Variants in GPC6 observed in about 807,000 individuals in gnomAD.
GPC6 encodes the protein glypican 6.
Under a neutral mutation model 55.2 loss-of-function variants are expected in GPC6, and 14 were observed. The ratio of observed to expected loss-of-function variants is 0.25; its 90% confidence interval spans 0.17 to 0.40. The LOEUF (loss-of-function observed/expected upper bound fraction) is 0.40. Ranked by LOEUF, GPC6 falls within the 10% of genes least tolerant of loss-of-function variation. The pLI is 1.00. For synonymous variants in GPC6, 278 were observed against 259.6 expected, an observed-to-expected ratio of 1.07 and a Z score of -0.68; for missense variants, 641 against 708.5, an observed-to-expected ratio of 0.90 and a Z score of 1.08.
intron 4 of GPC6, among the ~76,000 whole-genome samples, chr13:94,253,354 T>C (rs1056962984): frequency 3.9e-5 from 6 of 152,158 alleles, no homozygotes; most frequent in African/African-American, 1.4e-4. Flanking sequence ...GTTGATTCTC[T>C]ATAACCTAGA....
At chr13:93,228,117 C>T (rs1198280325) in intron 1 of GPC6, among the ~76,000 whole-genome samples, 1 of 152,164 alleles carries the variant, frequency 6.6e-6, no homozygotes, top group East Asian at 1.9e-4. Flanking sequence ...CAGCCCCTCT[C>T]TCCCCTATCC....
At chr13:94,206,577 G>A (rs1238340045) in intron 4 of GPC6, among the ~76,000 whole-genome samples, 1 of 152,130 alleles carries the variant, frequency 6.6e-6, no homozygotes, top group Non-Finnish European at 1.5e-5. Context: ...ATAAGAGCCA[G>A]GCACGGCAGC....
At chr13:93,237,060 T>C (rs1216069037) in intron 1 of GPC6, among the ~76,000 whole-genome samples, 2 of 152,216 alleles carry the variant, frequency 1.3e-5, no homozygotes, top group African/African-American at 2.4e-5. Context: ...ATAAAATGAC[T>C]TCTCTTCCTT....
chr13:93,751,676 C>T (rs1420111602), intron 2 of GPC6, among the ~76,000 whole-genome samples: 1 of 151,930 alleles, frequency 6.6e-6, no homozygotes, highest in African/African-American at 2.4e-5. Context: ...TGTGCACCAC[C>T]ATGCCTGGCT....
At chr13:93,603,635 T>G (rs1000939984) in intron 2 of GPC6, among the ~76,000 whole-genome samples, 8 of 152,174 alleles carry the variant, frequency 5.3e-5, no homozygotes, top group Non-Finnish European at 1.0e-4. Flanking sequence ...ATCTCTCAAT[T>G]GGATAAAACT....
At chr13:94,243,436 A>T (rs1235151315) in intron 4 of GPC6, among the ~76,000 whole-genome samples, 1 of 152,088 alleles carries the variant, frequency 6.6e-6, no homozygotes, top group Non-Finnish European at 1.5e-5. Flanking sequence ...ATTCATAAAG[A>T]TAGAAACAGG....
At chr13:93,643,917 T>G (rs947991936) in intron 2 of GPC6, among the ~76,000 whole-genome samples, 1 of 152,092 alleles carries the variant, frequency 6.6e-6, no homozygotes, top group African/African-American at 2.4e-5. Context: ...AAGTTGAGTA[T>G]TATTCAATAC....
intron 1 of GPC6, among the ~76,000 whole-genome samples, chr13:93,482,185 T>C (rs549216310): frequency 6.6e-6 from 1 of 152,280 alleles, no homozygotes; most frequent in South Asian, 2.1e-4. Flanking sequence ...TTCCTCTTTG[T>C]TAGTGTGTAG....
At chr13:93,231,579 A>G (rs867308689) in intron 1 of GPC6, among the ~76,000 whole-genome samples, 33 of 151,580 alleles carry the variant, frequency 2.2e-4, no homozygotes, top group African/African-American at 7.0e-4. Flanking sequence ...GGAATTGGCC[A>G]TGCTACCACC....
chr13:93,728,066 T>G (rs1386926458), intron 2 of GPC6, among the ~76,000 whole-genome samples: 4 of 152,142 alleles, frequency 2.6e-5, no homozygotes, highest in Admixed American at 2.6e-4. Flanking sequence ...GGGTTTTAGC[T>G]TCAATCTACC....
At chr13:93,331,646 C>G (rs1333033014) in intron 1 of GPC6, among the ~76,000 whole-genome samples, 1 of 150,560 alleles carries the variant, frequency 6.6e-6, no homozygotes, top group African/African-American at 2.4e-5. Flanking sequence ...TTTTTTCTGT[C>G]ATTTGTTGTT....
At chr13:94,220,315 G>A (rs1023947624) in intron 4 of GPC6, among the ~76,000 whole-genome samples, 2 of 152,072 alleles carry the variant, frequency 1.3e-5, no homozygotes, top group African/African-American at 2.4e-5. Flanking sequence ...TTCATCATAG[G>A]AGTCCAGCTT....
intron 4 of GPC6, among the ~76,000 whole-genome samples, chr13:94,090,714 T>G (rs1885449468): frequency 6.6e-6 from 1 of 152,144 alleles, no homozygotes; most frequent in Non-Finnish European, 1.5e-5. Context: ...ATGGATATTA[T>G]TATGATGATC....
chr13:93,918,094 CAA>C (rs5805834), intron 3 of GPC6, among the ~76,000 whole-genome samples: 136 of 138,768 alleles, frequency 9.8e-4, no homozygotes, highest in Admixed American at 1.7e-3. Context: ...GAGACTCCGT[CAA>C]AAAAAAAAAA....
chr13:93,668,262 T>C (rs566313643), intron 2 of GPC6, among the ~76,000 whole-genome samples: 71 of 152,350 alleles, frequency 4.7e-4, no homozygotes, highest in Admixed American at 1.6e-3. Context: ...AAATGGAATA[T>C]TCTTTCCCTT....
At chr13:93,428,824 T>C (rs1278983440) in intron 1 of GPC6, among the ~76,000 whole-genome samples, 1 of 152,160 alleles carries the variant, frequency 6.6e-6, no homozygotes, top group Non-Finnish European at 1.5e-5. Flanking sequence ...GAAATATTGG[T>C]TTGAATAAAT....
At chr13:94,210,216 G>A (rs1271215223) in intron 4 of GPC6, among the ~76,000 whole-genome samples, 1 of 149,868 alleles carries the variant, frequency 6.7e-6, no homozygotes, top group East Asian at 2.0e-4. Context: ...GAGTATAGTG[G>A]CACAATCTCA....
intron 3 of GPC6, among the ~76,000 whole-genome samples, chr13:93,922,490 A>AT (rs1877626828): frequency 6.6e-6 from 1 of 152,160 alleles, no homozygotes; most frequent in South Asian, 2.1e-4. Flanking sequence ...CACTGTTGTC[A>AT]TTTTGGGGGA....
At chr13:94,279,158 GTCTT>G (rs1892298589) in intron 4 of GPC6, among the ~76,000 whole-genome samples, 1 of 144,384 alleles carries the variant, frequency 6.9e-6, no homozygotes, top group Non-Finnish European at 1.6e-5. Flanking sequence ...TCCTGGTTTA[GTCTT>G]GGGAGGGTGT....
Sources: gnomAD v4.1 joint callset for allele counts (sites outside exome capture counted in the v4.1 genomes callset) on GRCh38, gnomAD v4.1.1 for gene constraint, MANE v1.5 for transcripts, NCBI Gene and HGNC (gene_info 2026-07-23, HGNC 2026-07-21) for gene names.